Variants in KCNMA1 observed in about 807,000 individuals in gnomAD.
The protein encoded by KCNMA1 is potassium calcium-activated channel subfamily M alpha 1, also known as Calcium-activated potassium channel subunit alpha-1.
In KCNMA1, 29 loss-of-function variants were observed where a neutral mutation model predicts 140.0. The observed-to-expected ratio is 0.21, with a 90% confidence interval of 0.15 to 0.28. The LOEUF is 0.28. KCNMA1 is among the 10% of genes least tolerant of loss of function. The probability of loss-of-function intolerance (pLI) is 1.00; values close to 1 mark genes in which losing one functional copy is unlikely to be tolerated. For missense variants in KCNMA1, 880 were observed against 1,602.2 expected (o/e 0.55, Z 7.70); for synonymous variants, 612 against 611.9 (o/e 1.00, Z 0.00).
At chr10:77,028,207 CGGGTA>C (rs1253531482) in intron 15 of KCNMA1, among the ~76,000 whole-genome samples, 1 of 152,118 alleles carries the variant, frequency 6.6e-6, no homozygotes, top group Non-Finnish European at 1.5e-5. Flanking sequence ...GTTACTCGGT[CGGGTA>C]GTAAAATGTT....
chr10:77,404,268 C>G (rs957931743), intron 1 of KCNMA1, among the ~76,000 whole-genome samples: 1 of 151,882 alleles, frequency 6.6e-6, no homozygotes. Context: ...TGGTATTATT[C>G]TATTCTATTT....
intron 1 of KCNMA1, among the ~76,000 whole-genome samples, chr10:77,543,043 T>TTC (rs910932523): frequency 8.3e-5 from 12 of 143,954 alleles, no homozygotes; most frequent in African/African-American, 3.0e-4. Context: ...CTCTCTCTCT[T>TTC]TCTCTCTCTC....
chr10:77,218,893 G>T (rs2048666935), intron 3 of KCNMA1, among the ~76,000 whole-genome samples: 1 of 152,056 alleles, frequency 6.6e-6, no homozygotes, highest in Non-Finnish European at 1.5e-5. Context: ...CATCATGTTG[G>T]CCAGGCTGAT....
intron 23 of KCNMA1, among the ~76,000 whole-genome samples, chr10:76,934,736 C>A (rs2060106739): frequency 6.6e-6 from 1 of 152,090 alleles, no homozygotes; most frequent in South Asian, 2.1e-4. Flanking sequence ...CTTAGAGGGT[C>A]CATGGGATTA....
At chr10:77,283,461 A>G (rs2069459195) in intron 2 of KCNMA1, among the ~76,000 whole-genome samples, 2 of 152,212 alleles carry the variant, frequency 1.3e-5, no homozygotes, top group Admixed American at 1.3e-4. Context: ...GTCAGGCACA[A>G]CAGCTTGATA....
intron 1 of KCNMA1, among the ~76,000 whole-genome samples, chr10:77,470,881 C>T (rs1450127976): frequency 6.6e-6 from 1 of 152,152 alleles, no homozygotes; most frequent in Non-Finnish European, 1.5e-5. Flanking sequence ...TCAAGCACAA[C>T]TATGCCAGCT....
At chr10:77,343,430 T>A (rs1160775681) in intron 2 of KCNMA1, among the ~76,000 whole-genome samples, 1 of 152,092 alleles carries the variant, frequency 6.6e-6, no homozygotes. Flanking sequence ...CAGTCCATCA[T>A]CCTAACCATA....
chr10:77,524,990 C>G (rs1319412279), intron 1 of KCNMA1, among the ~76,000 whole-genome samples: 1 of 152,180 alleles, frequency 6.6e-6, no homozygotes, highest in Non-Finnish European at 1.5e-5. Flanking sequence ...ACCCCCTAAC[C>G]CAGTCAATAC....
intron 1 of KCNMA1, among the ~76,000 whole-genome samples, chr10:77,451,950 A>C: frequency 6.6e-6 from 1 of 152,222 alleles, no homozygotes; most frequent in East Asian, 1.9e-4. Flanking sequence ...GGCTTTGATG[A>C]AACTCCCCAT....
At chr10:77,194,061 G>C (rs1290245992) in intron 3 of KCNMA1, among the ~76,000 whole-genome samples, 1 of 152,138 alleles carries the variant, frequency 6.6e-6, no homozygotes, top group Non-Finnish European at 1.5e-5. Flanking sequence ...CCATTGGGGA[G>C]CAACAGCCTG....
chr10:77,053,634 C>A (rs978956146), intron 14 of KCNMA1, among the ~76,000 whole-genome samples: 1 of 152,200 alleles, frequency 6.6e-6, no homozygotes, highest in Non-Finnish European at 1.5e-5. Context: ...AAATTGTAAG[C>A]ACTGTAGGTA....
chr10:77,107,066 C>G (rs772863858), intron 9 of KCNMA1, among the ~76,000 whole-genome samples: 20 of 152,160 alleles, frequency 1.3e-4, no homozygotes, highest in Non-Finnish European at 1.9e-4. Flanking sequence ...GGCCTGGACA[C>G]CTGAGCTCAG....
intron 1 of KCNMA1, among the ~76,000 whole-genome samples, chr10:77,617,646 C>T (rs2090043708): frequency 6.6e-6 from 1 of 152,156 alleles, no homozygotes; most frequent in South Asian, 2.1e-4. Flanking sequence ...TTAAGGATGC[C>T]TCTTGGGCAA....
chr10:77,472,929 G>A (rs1055108860), intron 1 of KCNMA1, among the ~76,000 whole-genome samples: 2 of 152,190 alleles, frequency 1.3e-5, no homozygotes, highest in Non-Finnish European at 2.9e-5. Flanking sequence ...GACATTCATG[G>A]TGGGCTCGTA....
rs554894348 is a variant in KCNMA1 at position 77,077,439 on chromosome 10, T to A, written c.1593+2042A>T. On this transcript the variant is annotated intron_variant, in intron 13 of 27. Transcript: ENST00000286628. ...ACAACACAGAGGTTTGCCAAACACA[T>A]TCAGGTTGCTATGATCATGTGATTA... is the stretch of plus-strand genomic sequence containing the variant. Among the ~76,000 whole-genome samples the A allele has an allele frequency of 3.2e-4, 48 of 152,322 alleles. No individual in the cohort carries two copies. In the Middle Eastern group the frequency reaches 0.02, roughly 65 times the overall value.
chr10:77,557,274 AGT>A (rs2064838274), intron 1 of KCNMA1, among the ~76,000 whole-genome samples: 1 of 152,220 alleles, frequency 6.6e-6, no homozygotes, highest in African/African-American at 2.4e-5. Flanking sequence ...TACAATTAGC[AGT>A]CCAATGTTGG....
At chr10:77,032,078 G>A (rs2093974828) in intron 15 of KCNMA1, among the ~76,000 whole-genome samples, 1 of 152,140 alleles carries the variant, frequency 6.6e-6, no homozygotes, top group African/African-American at 2.4e-5. Flanking sequence ...GTAGTGATAT[G>A]CTCTGGGAAT....
At chr10:77,130,399 G>C (rs1432716842) in intron 5 of KCNMA1, among the ~76,000 whole-genome samples, 3 of 152,132 alleles carry the variant, frequency 2.0e-5, no homozygotes, top group Non-Finnish European at 2.9e-5. Context: ...GTGATGTTTG[G>C]TAGGTGAGGG....
chr10:76,881,391 C>T (rs1377218361), downstream of KCNMA1, among the ~76,000 whole-genome samples: 1 of 152,134 alleles, frequency 6.6e-6, no homozygotes, highest in Non-Finnish European at 1.5e-5. Context: ...TTACACAGGT[C>T]CAGATACATG....
Sources: gnomAD v4.1 joint callset for allele counts (sites outside exome capture counted in the v4.1 genomes callset) on GRCh38, gnomAD v4.1.1 for gene constraint, MANE v1.5 for transcripts, NCBI Gene and HGNC (gene_info 2026-07-23, HGNC 2026-07-21) for gene names.